The following LSAMP variants were observed in gnomAD, a reference collection of about 807,000 sequenced individuals.
The protein encoded by LSAMP is limbic system associated membrane protein.
LSAMP carries 7 observed loss-of-function variants against 38.6 expected under a neutral mutation model. The ratio of observed to expected loss-of-function variants is 0.18; its 90% confidence interval spans 0.10 to 0.34. The LOEUF is 0.34. Ranked by LOEUF, LSAMP falls within the 10% of genes least tolerant of loss-of-function variation. The pLI is 1.00. For synonymous variants in LSAMP, 154 were observed against 166.8 expected, an observed-to-expected ratio of 0.92 and a Z score of 0.59; for missense variants, 313 against 420.0, an observed-to-expected ratio of 0.75 and a Z score of 2.23.
At chr3:116,266,355 G>A (rs2107664308) in intron 1 of LSAMP, among the ~76,000 whole-genome samples, 1 of 152,282 alleles carries the variant, frequency 6.6e-6, no homozygotes, top group South Asian at 2.1e-4. Context: ...TAATGATGAT[G>A]AGATGGGAAT....
At position 115,810,179 on chromosome 3, in the gene LSAMP, C is replaced by T. The variant is rs2107445028; in HGVS notation, c.*138G>A. 1.7e-6 allele frequency: 1 copy of T among 601,486 alleles called. No individual in the cohort carries two copies. Among genetic ancestry groups the T allele is most frequent in the Non-Finnish European group, 2.9e-6 (1 of 341,468 alleles). 37.3% of individuals were successfully genotyped at this position (601,486 alleles called of 1,614,324 possible). A position where few individuals can be genotyped will look rare whatever the true frequency, so the allele number is the denominator to read the frequency against. ...TTCTTCACTTTCTTATTTCCCCCTT[C>T]ATGTATAAACACACAAAGTTGTGAA... On this transcript the variant is annotated 3_prime_UTR_variant, in exon 7 of 7. Coordinates refer to ENST00000490035, the MANE Select transcript of LSAMP (RefSeq NM_002338.5).
At chr3:115,968,497 T>G (rs1439220416) in intron 3 of LSAMP, among the ~76,000 whole-genome samples, 2 of 152,068 alleles carry the variant, frequency 1.3e-5, no homozygotes, top group African/African-American at 4.8e-5. Context: ...ATCCAGAAGG[T>G]AGGACCTGGA....
intron 6 of LSAMP, among the ~76,000 whole-genome samples, chr3:115,821,202 T>C (rs188176037): frequency 6.6e-6 from 1 of 152,202 alleles, no homozygotes; most frequent in Non-Finnish European, 1.5e-5. Flanking sequence ...AGATGCTCCA[T>C]TGGAAACTCT....
intron 3 of LSAMP, among the ~76,000 whole-genome samples, chr3:115,893,334 A>G (rs933160619): frequency 3.3e-5 from 5 of 152,148 alleles, no homozygotes; most frequent in Admixed American, 6.6e-5. Context: ...TTGGCTTGCT[A>G]CTAGAATGAG....
intron 3 of LSAMP, among the ~76,000 whole-genome samples, chr3:115,979,724 A>G (rs1484672999): frequency 1.3e-5 from 2 of 152,120 alleles, no homozygotes; most frequent in Non-Finnish European, 2.9e-5. Flanking sequence ...TTCCACGAAT[A>G]GTAATTCTGA....
chr3:115,846,944 A>T (rs1935178777), intron 4 of LSAMP, among the ~76,000 whole-genome samples: 1 of 152,208 alleles, frequency 6.6e-6, no homozygotes, highest in Admixed American at 6.5e-5. Context: ...ACCATGGGAC[A>T]CAATGCTCCC....
At chr3:116,070,695 A>C (rs973449974) in intron 2 of LSAMP, among the ~76,000 whole-genome samples, 2 of 152,174 alleles carry the variant, frequency 1.3e-5, no homozygotes, top group Admixed American at 6.5e-5. Flanking sequence ...CTCCTCCCTG[A>C]GACTTGTGTG....
chr3:116,024,128 T>C (rs530485759), intron 2 of LSAMP, among the ~76,000 whole-genome samples: 2 of 152,256 alleles, frequency 1.3e-5, no homozygotes, highest in South Asian at 4.1e-4. Flanking sequence ...GGAGGCCATA[T>C]TGGGTGAAAT....
chr3:116,115,515 G>A (rs900832646), intron 1 of LSAMP, among the ~76,000 whole-genome samples: 2 of 152,090 alleles, frequency 1.3e-5, no homozygotes, highest in African/African-American at 4.8e-5. Context: ...TCTGTCCTGT[G>A]TTCAGTCTCC....
At chr3:116,023,180 A>C (rs74727074) in intron 2 of LSAMP, among the ~76,000 whole-genome samples, 2,350 of 145,200 alleles carry the variant, frequency 0.016, 32 homozygotes, top group Middle Eastern at 0.038. Flanking sequence ...CTCTCTCTCT[A>C]TATATATATA....
chr3:116,397,712 A>G (rs1299643684), intron 1 of LSAMP, among the ~76,000 whole-genome samples: 1 of 151,332 alleles, frequency 6.6e-6, no homozygotes, highest in Non-Finnish European at 1.5e-5. Context: ...TGAATATAGT[A>G]GAAAATAAAT....
chr3:116,334,924 T>C (rs536612220), intron 1 of LSAMP, among the ~76,000 whole-genome samples: 57 of 152,056 alleles, frequency 3.7e-4, no homozygotes, highest in Non-Finnish European at 7.7e-4. Flanking sequence ...TGAATCCATA[T>C]TGGAAAGGAA....
chr3:116,252,860 T>C (rs2046702394), intron 1 of LSAMP, among the ~76,000 whole-genome samples: 1 of 152,176 alleles, frequency 6.6e-6, no homozygotes, highest in Non-Finnish European at 1.5e-5. Context: ...CTGACCCCCA[T>C]TGTCAAGGAT....
chr3:116,162,717 A>T (rs1171200758), intron 1 of LSAMP, among the ~76,000 whole-genome samples: 1 of 150,708 alleles, frequency 6.6e-6, no homozygotes, highest in Non-Finnish European at 1.5e-5. Context: ...AAGTGAAAGC[A>T]AAGTGTGTGA....
chr3:116,194,098 A>G (rs1446251397), intron 1 of LSAMP, among the ~76,000 whole-genome samples: 1 of 152,186 alleles, frequency 6.6e-6, no homozygotes, highest in Non-Finnish European at 1.5e-5. Flanking sequence ...CAGGGTTAAA[A>G]GCACATCACA....
intron 1 of LSAMP, among the ~76,000 whole-genome samples, chr3:116,444,392 A>ACACACACACACACAC (rs141638402): frequency 0.033 from 4,771 of 144,166 alleles, 108 homozygotes; most frequent in Non-Finnish European, 0.048. Context: ...TGGCATGAAA[A>ACACACACACACACAC]ACACACACAC....
chr3:116,086,670 A>T lies in LSAMP; in HGVS notation c.156-114T>A, dbSNP rs1707995914. 7 of 765,844 alleles carry T rather than the reference A, an allele frequency of 9.1e-6. No individual in the cohort carries two copies. The South Asian group carries it at 1.2e-4, about 13-fold the overall frequency. 47.4% of individuals were successfully genotyped at this position (765,844 alleles called of 1,614,324 possible). Reference sequence around the variant, plus strand: ...AAGGAAAATAATTATATGCAGAATGAATTATTGCCATGCCATTCTTGGAGT... The same window carrying T: ...AAGGAAAATAATTATATGCAGAATGTATTATTGCCATGCCATTCTTGGAGT... On this transcript the variant is annotated intron_variant, in intron 1 of 6. Transcript: ENST00000490035.
chr3:116,435,881 A>G (rs2049343106), intron 1 of LSAMP, among the ~76,000 whole-genome samples: 1 of 152,184 alleles, frequency 6.6e-6, no homozygotes. Context: ...ATAAATAACA[A>G]TAAGAAGGCA....
At chr3:115,963,634 G>T (rs1362399163) in intron 3 of LSAMP, among the ~76,000 whole-genome samples, 1 of 152,204 alleles carries the variant, frequency 6.6e-6, no homozygotes, top group Non-Finnish European at 1.5e-5. Context: ...CTTGAAATCG[G>T]TGTAAGAGGG....
Sources: allele counts gnomAD v4.1 joint callset (sites outside exome capture counted in the v4.1 genomes callset), GRCh38; gene constraint gnomAD v4.1.1; transcripts MANE v1.5; gene names NCBI Gene and HGNC (gene_info 2026-07-23, HGNC 2026-07-21).